MYOF: variants seen among roughly 807,000 people sequenced by gnomAD.
The protein encoded by MYOF is myoferlin, also known as fer-1-like 3, myoferlin.
Under a neutral mutation model 284.2 loss-of-function variants are expected in MYOF, and 244 were observed. The observed-to-expected ratio is 0.86, with a 90% confidence interval of 0.77 to 0.95. MYOF has a LOEUF of 0.95. Among genes scored for constraint, MYOF ranks in the 40% least tolerant of loss-of-function variants. The pLI, the probability that MYOF is intolerant of heterozygous loss-of-function variation, is 0.00. For synonymous variants in MYOF, 904 were observed against 919.7 expected (o/e 0.98, Z 0.31); for missense variants, 2,496 against 2,560.6 (o/e 0.97, Z 0.54).
intron 3 of MYOF, among the ~76,000 whole-genome samples, chr10:93,440,389 C>G (rs12412362): frequency 6.7e-6 from 1 of 149,572 alleles, no homozygotes; most frequent in African/African-American, 2.5e-5. Context: ...TCCAGCCTGT[C>G]GACAGAGCAA....
At chr10:93,387,685 C>CGG in intron 19 of MYOF, 112 bp downstream of exon 19, 1 of 794,074 alleles carries the variant, frequency 1.3e-6, no homozygotes, top group Non-Finnish European at 2.2e-6. Context: ...TAGAAACATC[C>CGG]AGATGAGGGC....
rs369009719 is a variant in MYOF, at chr10:93,353,908, A to G, written c.3404-20T>C. The G allele has an allele frequency of 4.4e-6, 7 of 1,582,898 alleles. No individual in the cohort carries two copies. In the African/African-American group the frequency reaches 9.5e-5, roughly 21 times the overall value. ...AGACTCCTAAAAAAACAGGATAAAG[A>G]TTACTTACAAGAAGCGTAACACTGT... On this transcript the variant is annotated intron_variant, in intron 31 of 53. Coordinates refer to ENST00000359263, the MANE Select transcript of MYOF (RefSeq NM_013451.4).
chr10:93,317,488 A>G (rs992243262), intron 49 of MYOF, among the ~76,000 whole-genome samples: 1 of 151,884 alleles, frequency 6.6e-6, no homozygotes, highest in African/African-American at 2.4e-5. Flanking sequence ...AATACAAAAC[A>G]TAGCTGGGTA....
intron 2 of MYOF, 101 bp downstream of exon 2, chr10:93,456,781 A>G (rs1405595148): frequency 3.5e-6 from 3 of 848,870 alleles, no homozygotes; most frequent in Non-Finnish European, 3.8e-6. Context: ...TGAAATGTAG[A>G]GATTCTCCTT....
intron 35 of MYOF, among the ~76,000 whole-genome samples, 160 bp downstream of exon 35, chr10:93,351,037 C>G (rs988103953): frequency 2.6e-5 from 4 of 152,178 alleles, no homozygotes; most frequent in Admixed American, 2.6e-4. Flanking sequence ...CTTCAACAAG[C>G]CTTCTACTCC....
chr10:93,470,882 G>A (rs964140915), intron 1 of MYOF, among the ~76,000 whole-genome samples: 1 of 152,196 alleles, frequency 6.6e-6, no homozygotes, highest in African/African-American at 2.4e-5. Flanking sequence ...TGCTTGGAAT[G>A]AGGAAGGAGC....
intron 51 of MYOF, among the ~76,000 whole-genome samples, chr10:93,310,994 A>C (rs1842357083): frequency 6.6e-6 from 1 of 152,118 alleles, no homozygotes. Context: ...ACAATATCTA[A>C]CATTTATTGA....
chr10:93,466,559 T>C (rs556119203), intron 1 of MYOF, among the ~76,000 whole-genome samples: 4 of 152,202 alleles, frequency 2.6e-5, no homozygotes, highest in Non-Finnish European at 5.9e-5. Context: ...GGCGTGGTCA[T>C]GTCCCAGCTC....
At chr10:93,450,102 C>T (rs377603226) in intron 3 of MYOF, among the ~76,000 whole-genome samples, 71 of 151,986 alleles carry the variant, frequency 4.7e-4, no homozygotes, top group Middle Eastern at 3.4e-3. Context: ...TACTAAAAAA[C>T]ACAAAAATAG....
intron 5 of MYOF, among the ~76,000 whole-genome samples, chr10:93,411,898 C>T (rs746280622): frequency 2.0e-4 from 31 of 152,148 alleles, no homozygotes; most frequent in Non-Finnish European, 2.9e-4. Context: ...AGCTCTCCTC[C>T]CCCGATCTGC....
At position 93,310,032 on chromosome 10, in the gene MYOF, G is replaced by A. The variant is rs377176578; in HGVS notation, c.6135C>T (p.Leu2045=). Residue 2045 remains leucine (L), a synonymous_variant, in exon 53 of 54, where the codon CTC becomes CTT. Coordinates refer to ENST00000359263, the MANE Select transcript of MYOF (RefSeq NM_013451.4). Reference sequence around the variant, plus strand: ...GAAGGGCTCCTACCGGCAAAGAGTAGAGGAGCACGGCCACGAAGAGCAGCA... The same window carrying A: ...GAAGGGCTCCTACCGGCAAAGAGTAAAGGAGCACGGCCACGAAGAGCAGCA... ...LILLLFVAVL[L]YSLPNYLSMK... The A allele has an allele frequency of 1.7e-5, 28 of 1,614,014 alleles. No individual in the cohort carries two copies. In the African/African-American group the frequency reaches 3.5e-4, roughly 20 times the overall value.
At chr10:93,408,953 C>T in intron 6 of MYOF, 38 bp from the exon 7 acceptor site, 1 of 1,612,390 alleles carries the variant, frequency 6.2e-7, no homozygotes, top group Non-Finnish European at 8.5e-7. Flanking sequence ...CAACCTTTCC[C>T]AGCACGTGGG....
At chr10:93,370,453 A>C (rs1490264839) in intron 24 of MYOF, among the ~76,000 whole-genome samples, 1 of 151,230 alleles carries the variant, frequency 6.6e-6, no homozygotes, top group Non-Finnish European at 1.5e-5. Flanking sequence ...CTGGGATCAC[A>C]GATGCATGCC....
intron 50 of MYOF, among the ~76,000 whole-genome samples, chr10:93,314,234 G>A (rs140254641): frequency 0.012 from 1,834 of 152,240 alleles, 36 homozygotes; most frequent in African/African-American, 0.041. Flanking sequence ...GACTACAGGT[G>A]TGCACCACAA....
At chr10:93,351,146 C>T in intron 35 of MYOF, 51 bp downstream of exon 35, 1 of 1,556,310 alleles carries the variant, frequency 6.4e-7, no homozygotes, top group Non-Finnish European at 8.9e-7. Flanking sequence ...GATTCCTGTC[C>T]TGCAGTCACA....
intron 43 of MYOF, among the ~76,000 whole-genome samples, chr10:93,332,279 A>T (rs1843347526): frequency 2.0e-5 from 3 of 151,078 alleles, no homozygotes; most frequent in Non-Finnish European, 2.9e-5. Context: ...CTGGAGTGCA[A>T]TGGCGCGATC....
rs142845740 is a variant in MYOF, at chr10:93,385,262, C to T, written c.1698+2535G>A. On this transcript the variant is annotated intron_variant, in intron 19 of 53. Transcript: ENST00000359263. ...TTAGAATAACACTGGGTTGGCAACA[C>T]TTGATCTTCTGTCTGCCTGATTCTT... Among the ~76,000 whole-genome samples, 349 of 152,300 alleles carry T rather than the reference C, an allele frequency of 2.3e-3. 2 individuals are homozygous for T. Among genetic ancestry groups the T allele is most frequent in the African/African-American group, 8.0e-3 (332 of 41,560 alleles).
At chr10:93,313,261 G>GT (rs752849790) in intron 50 of MYOF, 51 bp from the exon 51 acceptor site, 80 of 1,547,860 alleles carry the variant, frequency 5.2e-5, no homozygotes, top group Middle Eastern at 1.7e-4. Flanking sequence ...TGGATCAGCT[G>GT]TTGTTCACAA....
At chr10:93,329,611 G>C in intron 44 of MYOF, 53 bp downstream of exon 44, 1 of 1,599,884 alleles carries the variant, frequency 6.3e-7, no homozygotes, top group Admixed American at 1.7e-5. Context: ...GGCCTCCCCA[G>C]GTGCCAATGT....
Sources: allele counts gnomAD v4.1 joint callset (sites outside exome capture counted in the v4.1 genomes callset), GRCh38; gene constraint gnomAD v4.1.1; transcripts MANE v1.5; gene names NCBI Gene and HGNC (gene_info 2026-07-23, HGNC 2026-07-21).